Variants in SARDH observed in about 807,000 individuals in gnomAD.
SARDH encodes sarcosine dehydrogenase, mitochondrial.
A neutral mutation model predicts 109.1 loss-of-function variants in SARDH; 95 were observed. The ratio of observed to expected loss-of-function variants is 0.87; its 90% CI spans 0.74 to 1.03. The LOEUF (loss-of-function observed/expected upper bound fraction) is 1.03. Ranked by LOEUF, SARDH falls within the 50% of genes least tolerant of loss-of-function variation. The probability of loss-of-function intolerance (pLI) is 0.00; values close to 1 mark genes in which losing one functional copy is unlikely to be tolerated. For missense variants in SARDH, 1,267 were observed against 1,287.8 expected (o/e 0.98, Z 0.25); for synonymous variants, 572 against 534.8 (o/e 1.07, Z -0.96).
intron 17 of SARDH, among the ~76,000 whole-genome samples, chr9:133,672,910 AC>A (rs1424423566): frequency 6.6e-6 from 1 of 152,192 alleles, no homozygotes; most frequent in Non-Finnish European, 1.5e-5. Context: ...TGGATACCTG[AC>A]TGTGAAAGAC....
chr9:133,703,126 C>A, intron 12 of SARDH, 97 bp from the exon 13 acceptor site: 2 of 1,051,224 alleles, frequency 1.9e-6, no homozygotes, highest in Non-Finnish European at 1.4e-6. Flanking sequence ...TGGGGTCAGG[C>A]CTGGCCCTGC....
Position 133,735,104 on chromosome 9 carries a change from C to G in SARDH, c.-30-901G>C, listed in dbSNP as rs539120464. 3.9e-5 allele frequency among the ~76,000 whole-genome samples: 6 copies of G among 152,292 alleles called. No individual in the cohort carries two copies. In the South Asian group the frequency reaches 1.0e-3, roughly 26 times the overall value. Reference sequence around the variant, plus strand: ...TACAGCAGTGGCCGCAGGGTATCGGCAGGCAGCCTCGAGACGGGGCACCCA... The same window carrying G: ...TACAGCAGTGGCCGCAGGGTATCGGGAGGCAGCCTCGAGACGGGGCACCCA... On this transcript the variant is annotated intron_variant, in intron 1 of 20. Transcript: ENST00000439388.
chr9:133,685,949 G>A (rs955828932), intron 16 of SARDH, among the ~76,000 whole-genome samples: 3 of 152,156 alleles, frequency 2.0e-5, no homozygotes, highest in Non-Finnish European at 2.9e-5. Flanking sequence ...GGTGTGAGAC[G>A]CTCAGGCTGC....
At position 133,666,986 on chromosome 9, in the gene SARDH, G is replaced by T; in HGVS notation, c.2496-116C>A. On this transcript the variant is annotated intron_variant, in intron 19 of 20. Transcript: ENST00000439388. The surrounding 1 kb of genome is among the most constrained non-coding windows in gnomAD (Gnocchi z 5.2). ...GATGCACACCCAACCGTGGCTCCAG[G>T]CAGATAGGGCTGGCCTACTAGGACT... The T allele has an allele frequency of 1.5e-6, 2 of 1,373,842 alleles. No homozygotes were observed. Among genetic ancestry groups the T allele is most frequent in the Non-Finnish European group, 1.0e-6 (1 of 993,946 alleles). 85.1% of individuals were successfully genotyped at this position (1,373,842 alleles called of 1,614,324 possible). A position where few individuals can be genotyped will look rare whatever the true frequency, so the allele number is the denominator to read the frequency against.
At position 133,667,730 on chromosome 9, in the gene SARDH, A is replaced by G. The variant is rs184181749; in HGVS notation, c.2496-860T>C. ...GAATGGAAGGGCTGGGGTGATGTTG[A>G]GGGCACCTCCTGCATCCTCAGCCTG... On this transcript the variant is annotated intron_variant, in intron 19 of 20. Transcript: ENST00000439388. 2.1e-3 allele frequency among the ~76,000 whole-genome samples: 323 copies of G among 152,244 alleles called. 4 individuals carry two copies. The highest frequency in any genetic ancestry group is 0.016 in the Admixed American group (241 of 15,296).
intron 6 of SARDH, among the ~76,000 whole-genome samples, chr9:133,720,154 C>T (rs1021295554): frequency 6.6e-6 from 1 of 152,038 alleles, no homozygotes; most frequent in Non-Finnish European, 1.5e-5. Flanking sequence ...AGGCCAGGCA[C>T]TGTGGCTCAC....
chr9:133,737,450 G>C (rs904780760), intron 1 of SARDH, among the ~76,000 whole-genome samples: 2 of 152,152 alleles, frequency 1.3e-5, no homozygotes, highest in Non-Finnish European at 2.9e-5. Flanking sequence ...GTCCTTGAAG[G>C]TCCACAGTCT....
At chr9:133,689,305 C>T (rs1231654217) in intron 16 of SARDH, among the ~76,000 whole-genome samples, 1 of 152,010 alleles carries the variant, frequency 6.6e-6, no homozygotes, top group African/African-American at 2.4e-5. Flanking sequence ...GCCCTCATCT[C>T]GTGCCTCTTC....
chr9:133,713,176 TG>T, intron 8 of SARDH, 52 bp from the exon 9 acceptor site: 1 of 1,495,156 alleles, frequency 6.7e-7, no homozygotes. Flanking sequence ...CACATACTCT[TG>T]GGGTGAGGTC....
chr9:133,688,286 A>T (rs761936884), intron 16 of SARDH, among the ~76,000 whole-genome samples: 20 of 152,112 alleles, frequency 1.3e-4, no homozygotes, highest in Non-Finnish European at 2.5e-4. Flanking sequence ...AGCTGCGGCC[A>T]GCACCCTCCA....
At position 133,696,315 on chromosome 9, in the gene SARDH, T is replaced by C; in HGVS notation, c.1715A>G (p.Asp572Gly). The C allele has an allele frequency of 3.1e-6, 5 of 1,614,146 alleles. No individual in the cohort carries two copies. Among genetic ancestry groups the C allele is most frequent in the South Asian group, 1.1e-5 (1 of 91,084 alleles). The change falls in exon 14 of 21, where the codon GAC (aspartate) becomes GGC (glycine). Residue 572 changes from aspartate to glycine, a missense_variant. Transcript: ENST00000439388. The part of the protein sequence containing the change: ...LACRGAAAVF[D>G]MSYFGKFYLV... The stretch of plus-strand genomic sequence containing the variant: ...GTAGAACTTCCCGAAGTAGGACATG[T>C]CAAACACAGCGGCGGCCCCTCTGCA...
intron 20 of SARDH, among the ~76,000 whole-genome samples, chr9:133,665,990 G>C (rs1830052032): frequency 6.6e-6 from 1 of 152,188 alleles, no homozygotes; most frequent in African/African-American, 2.4e-5. Context: ...AGAAAGATGG[G>C]AAAAGGAGGT....
At chr9:133,705,143 C>T in intron 11 of SARDH, 112 bp from the exon 12 acceptor site, 2 of 1,073,740 alleles carry the variant, frequency 1.9e-6, no homozygotes. Flanking sequence ...CAAGGAGGCC[C>T]TGACTCTTGG....
intron 17 of SARDH, among the ~76,000 whole-genome samples, chr9:133,676,193 C>T (rs1012643008): frequency 3.3e-5 from 5 of 152,198 alleles, no homozygotes; most frequent in Middle Eastern, 3.4e-3. Flanking sequence ...GAAGGAACTT[C>T]GGATGCATAA....
intron 17 of SARDH, among the ~76,000 whole-genome samples, chr9:133,679,839 AGCGGCAG>A (rs1830635348): frequency 6.6e-6 from 1 of 152,220 alleles, no homozygotes; most frequent in African/African-American, 2.4e-5. Flanking sequence ...GTCTTTGGGC[AGCGGCAG>A]GCGCCCGCTC....
chr9:133,716,436 T>G (rs1832125297), intron 8 of SARDH, among the ~76,000 whole-genome samples: 1 of 152,184 alleles, frequency 6.6e-6, no homozygotes, highest in South Asian at 2.1e-4. Flanking sequence ...AACACTGGGG[T>G]GCCAAGGTCA....
chr9:133,695,047 A>G (rs1370926579), intron 14 of SARDH, among the ~76,000 whole-genome samples: 1 of 152,168 alleles, frequency 6.6e-6, no homozygotes, highest in Non-Finnish European at 1.5e-5. Flanking sequence ...AAGATATGTG[A>G]AAGTCCTCAC....
chr9:133,679,944 G>A (rs139140915), intron 17 of SARDH, among the ~76,000 whole-genome samples: 130 of 152,330 alleles, frequency 8.5e-4, no homozygotes, highest in African/African-American at 2.9e-3. Flanking sequence ...CGCTGACTGC[G>A]CAGGCACACG....
At chr9:133,738,859 G>C (rs1832970422), upstream of SARDH, among the ~76,000 whole-genome samples, 1 of 152,254 alleles carries the variant, frequency 6.6e-6, no homozygotes, top group Non-Finnish European at 1.5e-5. Flanking sequence ...CCCAGGGACA[G>C]GGTCTCCTGG....
Sources: allele counts gnomAD v4.1 joint callset (sites outside exome capture counted in the v4.1 genomes callset), GRCh38; gene constraint gnomAD v4.1.1; non-coding constraint Gnocchi (gnomAD v3.1); transcripts MANE v1.5; gene names NCBI Gene and HGNC (gene_info 2026-07-23, HGNC 2026-07-21).